The following CCDC144A variants were observed in gnomAD, a reference collection of about 807,000 sequenced individuals.
The protein encoded by CCDC144A is coiled-coil domain containing 144A, also known as coiled-coil domain-containing protein 144A.
In CCDC144A, 41 loss-of-function variants were observed where a neutral mutation model predicts 143.8. The observed-to-expected ratio is 0.29, with a 90% CI of 0.22 to 0.37. The LOEUF (loss-of-function observed/expected upper bound fraction) is 0.37, where lower values mean the gene tolerates loss of function less well. Among genes scored for constraint, CCDC144A ranks in the 10% least tolerant of loss-of-function variants. CCDC144A has a pLI of 1.00. For synonymous variants in CCDC144A, 242 were observed against 517.9 expected (o/e 0.47, Z 7.23); for missense variants, 637 against 1,488.8 (o/e 0.43, Z 9.41).
chr17:16,703,534 G>A (rs1268108690), intron 2 of CCDC144A, among the ~76,000 whole-genome samples: 2 of 152,184 alleles, frequency 1.3e-5, no homozygotes, highest in East Asian at 3.8e-4. Context: ...GCCGGGCGTG[G>A]TGGCTAACGC....
At chr17:16,712,333 C>T (rs117638898) in intron 6 of CCDC144A, among the ~76,000 whole-genome samples, 14,302 of 151,982 alleles carry the variant, frequency 0.094, 887 homozygotes, top group Non-Finnish European at 0.13. Flanking sequence ...TTTAAAAAAT[C>T]GGAAGTATTG....
the CCDC144A span, chr17:16,683,520 G>T: frequency 4.1e-5 from 62 of 1,529,232 alleles, no homozygotes; most frequent in Non-Finnish European, 4.7e-5. Flanking sequence ...GATGTTCTAT[G>T]CCGTGAGGAG....
intron 8 of CCDC144A, among the ~76,000 whole-genome samples, chr17:16,723,352 T>A (rs1426310858): frequency 2.6e-5 from 4 of 152,086 alleles, no homozygotes; most frequent in African/African-American, 9.7e-5. Context: ...TTACTATGTT[T>A]CTGAAATTAG....
At chr17:16,682,251 C>CAG in the CCDC144A span, among the ~76,000 whole-genome samples, 5 of 138,804 alleles carry the variant, frequency 3.6e-5, no homozygotes, top group Admixed American at 3.6e-4. Flanking sequence ...GATGGAGAGA[C>CAG]AGAGAGAGAG....
chr17:16,675,087 G>C, the CCDC144A span, among the ~76,000 whole-genome samples: 1 of 151,832 alleles, frequency 6.6e-6, no homozygotes, highest in Non-Finnish European at 1.5e-5. Flanking sequence ...TGGCCAACAT[G>C]ATGAAACGCC....
At chr17:16,687,913 C>CT (rs1250577543), upstream of CCDC144A, among the ~76,000 whole-genome samples, 1 of 151,408 alleles carries the variant, frequency 6.6e-6, no homozygotes, top group Non-Finnish European at 1.5e-5. Flanking sequence ...AGCACACTAA[C>CT]TTTAACTACA....
intron 6 of CCDC144A, among the ~76,000 whole-genome samples, chr17:16,712,869 T>C (rs1161922491): frequency 6.6e-6 from 1 of 152,192 alleles, no homozygotes; most frequent in Non-Finnish European, 1.5e-5. Context: ...GCCAGTTTTG[T>C]TGGAATTCTC....
the CCDC144A span, among the ~76,000 whole-genome samples, chr17:16,667,364 G>A: frequency 1.1e-4 from 16 of 141,544 alleles, no homozygotes; most frequent in Admixed American, 7.1e-4. Context: ...GGGCTGAGGC[G>A]GCTGAGGGGC....
chr17:16,698,154 T>C (rs1252918462), intron 2 of CCDC144A, among the ~76,000 whole-genome samples: 1 of 151,898 alleles, frequency 6.6e-6, no homozygotes, highest in African/African-American at 2.4e-5. Flanking sequence ...ATGGGAAAGG[T>C]ATAGAATGAG....
chr17:16,688,237 T>C (rs920451981), upstream of CCDC144A, among the ~76,000 whole-genome samples: 1 of 151,930 alleles, frequency 6.6e-6, no homozygotes, highest in African/African-American at 2.4e-5. Context: ...TGCTGGAATT[T>C]TCCACAGAGG....
intron 12 of CCDC144A, among the ~76,000 whole-genome samples, chr17:16,757,710 C>T (rs1915162453): frequency 6.6e-6 from 1 of 152,204 alleles, no homozygotes; most frequent in Non-Finnish European, 1.5e-5. Flanking sequence ...TACAGGTATG[C>T]ACAGCACTGC....
chr17:16,745,710 C>T (rs1914467602), intron 12 of CCDC144A: 1 of 1,614,088 alleles, frequency 6.2e-7, no homozygotes, highest in Non-Finnish European at 8.5e-7. Flanking sequence ...GCCACACTCT[C>T]GCGCTCGGAA....
At chr17:16,699,690 A>G (rs1272127291) in intron 2 of CCDC144A, among the ~76,000 whole-genome samples, 1 of 146,724 alleles carries the variant, frequency 6.8e-6, no homozygotes, top group Non-Finnish European at 1.5e-5. Flanking sequence ...TATAAAAATG[A>G]ATTAAATCCT....
At chr17:16,742,262 G>A (rs116678385) in intron 12 of CCDC144A, among the ~76,000 whole-genome samples, 17,040 of 151,846 alleles carry the variant, frequency 0.11, 1,215 homozygotes, top group South Asian at 0.29. Context: ...CTCTACTTCC[G>A]TGAACTTTTT....
chr17:16,698,110 G>T lies in CCDC144A; in HGVS notation c.415+5061G>T, dbSNP rs377597753. 1.7e-4 allele frequency among the ~76,000 whole-genome samples: 26 copies of T among 152,186 alleles called. No homozygotes were observed. The East Asian group carries it at 4.2e-3, about 25-fold the overall frequency. Reference sequence around the variant, plus strand: ...GGAGTTGCAGACTTGGAATAACTGAGGCAAAGTTGTAGATCTGAGTGAGCT... The same window carrying T: ...GGAGTTGCAGACTTGGAATAACTGATGCAAAGTTGTAGATCTGAGTGAGCT... On this transcript the variant is annotated intron_variant, in intron 2 of 16. Transcript: ENST00000399273.
rs1916008821 is a variant in CCDC144A at position 16,776,564 on chromosome 17, T to A, written c.*2931T>A. ...GCACATTGATTTTGTATCCTGAGAC[T>A]TTGTTGAAGTTGCTTATCAGCTAAG... On this transcript the variant is annotated 3_prime_UTR_variant, in exon 17 of 17. Coordinates refer to ENST00000399273, the MANE Select transcript of CCDC144A (RefSeq NM_001382000.1). The A allele has an allele frequency of 6.6e-6, 1 of 152,244 alleles. No homozygotes were observed. 9.4% of individuals were successfully genotyped at this position (152,244 alleles called of 1,614,324 possible).
chr17:16,761,332 T>G, intron 12 of CCDC144A, 93 bp from the exon 13 acceptor site: 1 of 993,724 alleles, frequency 1.0e-6, no homozygotes, highest in Non-Finnish European at 1.4e-6. Context: ...AGACTCCATC[T>G]CAAAAAAAAA....
chr17:16,744,151 C>T (rs1914383641), intron 12 of CCDC144A, among the ~76,000 whole-genome samples: 1 of 152,122 alleles, frequency 6.6e-6, no homozygotes, highest in South Asian at 2.1e-4. Context: ...ACATTGGGTG[C>T]ATGTGTCTTT....
the CCDC144A span, among the ~76,000 whole-genome samples, chr17:16,679,983 A>T: frequency 2.6e-5 from 4 of 152,152 alleles, no homozygotes; most frequent in East Asian, 3.9e-4. Context: ...CAAAATATTT[A>T]TTTTTTTTAA....
Sources: gnomAD v4.1 joint callset for allele counts (sites outside exome capture counted in the v4.1 genomes callset) on GRCh38, gnomAD v4.1.1 for gene constraint, MANE v1.5 for transcripts, NCBI Gene and HGNC (gene_info 2026-07-23, HGNC 2026-07-21) for gene names.